Variants in PRKAG2 observed in about 807,000 individuals in gnomAD.
The protein encoded by PRKAG2 is protein kinase AMP-activated non-catalytic subunit gamma 2, also known as 5'-AMP-activated protein kinase subunit gamma-2.
Under a neutral mutation model 69.6 loss-of-function variants are expected in PRKAG2, and 26 were observed. That is an observed-to-expected ratio of 0.37 (90% confidence interval 0.27 to 0.52). The LOEUF (loss-of-function observed/expected upper bound fraction) is 0.52, where lower values mean the gene tolerates loss of function less well. Ranked by LOEUF, PRKAG2 falls within the 20% of genes least tolerant of loss-of-function variation. The pLI is 0.90. For synonymous variants in PRKAG2, 293 were observed against 285.0 expected (o/e 1.03, Z -0.28); for missense variants, 557 against 740.0 (o/e 0.75, Z 2.87).
At chr7:151,785,502 C>T (rs1160766871) in intron 2 of PRKAG2, among the ~76,000 whole-genome samples, 1 of 152,232 alleles carries the variant, frequency 6.6e-6, no homozygotes, top group Non-Finnish European at 1.5e-5. Context: ...AGGGCACTGG[C>T]ACCAGTGGAG....
Position 151,777,157 on chromosome 7 carries a change from A to G in PRKAG2, c.466+3995T>C, listed in dbSNP as rs949267731. 3.2e-4 allele frequency among the ~76,000 whole-genome samples: 48 copies of G among 152,230 alleles called. No individual in the cohort carries two copies. The highest frequency in any genetic ancestry group is 7.0e-4 in the African/African-American group (29 of 41,546). On this transcript the variant is annotated intron_variant, in intron 3 of 15. Transcript: ENST00000287878. The surrounding 1 kb of genome is among the most constrained non-coding windows in gnomAD (Gnocchi z 4.3). ...CCTCCTGTGCAGACCACAGGCCCCAATGGAAGGGGCCATGGCCAGGTTCAG... is the reference window on the plus strand; with the variant it reads ...CCTCCTGTGCAGACCACAGGCCCCAGTGGAAGGGGCCATGGCCAGGTTCAG...
chr7:151,751,484 T>C (rs1288421990), intron 3 of PRKAG2, among the ~76,000 whole-genome samples: 2 of 150,660 alleles, frequency 1.3e-5, no homozygotes, highest in African/African-American at 4.9e-5. Flanking sequence ...CTTTATTTCA[T>C]TGAACTACTC....
intron 5 of PRKAG2, among the ~76,000 whole-genome samples, chr7:151,617,148 C>G (rs1405513692): frequency 6.6e-6 from 1 of 151,396 alleles, no homozygotes; most frequent in Non-Finnish European, 1.5e-5. Context: ...GTAATCCAAG[C>G]TATTTGGGGA....
intron 5 of PRKAG2, among the ~76,000 whole-genome samples, chr7:151,631,303 A>G (rs1159707896): frequency 6.6e-6 from 1 of 152,216 alleles, no homozygotes; most frequent in Non-Finnish European, 1.5e-5. Context: ...TTCATTTTAC[A>G]TATTAATTTT....
At chr7:151,669,694 G>A (rs1176529738) in intron 4 of PRKAG2, among the ~76,000 whole-genome samples, 10 of 151,990 alleles carry the variant, frequency 6.6e-5, no homozygotes, top group Non-Finnish European at 1.5e-4. Context: ...CGACTTAAAT[G>A]TGCCACAGGC....
At chr7:151,707,048 G>A (rs995041773) in intron 3 of PRKAG2, among the ~76,000 whole-genome samples, 16 of 152,354 alleles carry the variant, frequency 1.1e-4, no homozygotes, top group African/African-American at 3.8e-4. Flanking sequence ...CAGCCTTACT[G>A]AGCTCAGCCC....
intron 3 of PRKAG2, among the ~76,000 whole-genome samples, chr7:151,727,177 T>C (rs948687653): frequency 6.6e-6 from 1 of 151,792 alleles, no homozygotes; most frequent in African/African-American, 2.4e-5. Context: ...ATTGCGTCAT[T>C]GCACTCCAGC....
rs78776830 is a variant in PRKAG2, at chr7:151,823,221, G to A, written c.115-36680C>T. The stretch of plus-strand genomic sequence containing the variant: ...GGAAAAATGTGTATCCAGTTTTGTT[G>A]GCTACAGGGATTTTGTATCAACATT... On this transcript the variant is annotated intron_variant, in intron 1 of 15. Transcript: ENST00000287878. 8.4e-3 allele frequency among the ~76,000 whole-genome samples: 1,252 copies of A among 149,202 alleles called. 22 individuals are homozygous for A. The highest frequency in any genetic ancestry group is 0.028 in the African/African-American group (1,128 of 40,698).
intron 4 of PRKAG2, among the ~76,000 whole-genome samples, chr7:151,634,471 G>T (rs950940448): frequency 6.6e-6 from 1 of 152,148 alleles, no homozygotes; most frequent in Non-Finnish European, 1.5e-5. Context: ...TTAAAATTAA[G>T]AATTTTTGCT....
chr7:151,830,696 C>A (rs1362877375), intron 1 of PRKAG2, among the ~76,000 whole-genome samples: 5 of 149,594 alleles, frequency 3.3e-5, no homozygotes, highest in Non-Finnish European at 7.4e-5. Flanking sequence ...GGCCTGAGGC[C>A]TCCTGCGGGA....
At chr7:151,656,890 A>T (rs1384468453) in intron 4 of PRKAG2, among the ~76,000 whole-genome samples, 1 of 152,188 alleles carries the variant, frequency 6.6e-6, no homozygotes, top group African/African-American at 2.4e-5. Context: ...TAATTCCAGC[A>T]CTTTGGGAGG....
In PRKAG2 at chr7:151,835,292, C is replaced by A. The variant is rs924479264; in HGVS notation, c.114+41215G>T. On this transcript the variant is annotated intron_variant, in intron 1 of 15. Transcript: ENST00000287878. This position sits in a 1 kb window ranked among gnomAD's most constrained non-coding sequence, Gnocchi z 4.1. Reference sequence around the variant, plus strand: ...TGCCATGACACACACGATCTTGGCTCACTGCAGCCTTGACCTCCTGGGCTC... The same window carrying A: ...TGCCATGACACACACGATCTTGGCTAACTGCAGCCTTGACCTCCTGGGCTC... Among the ~76,000 whole-genome samples the A allele has an allele frequency of 6.6e-6, 1 of 152,146 alleles. No individual in the cohort carries two copies. Among genetic ancestry groups the A allele is most frequent in the African/African-American group, 2.4e-5 (1 of 41,432 alleles).
intron 3 of PRKAG2, among the ~76,000 whole-genome samples, chr7:151,720,739 AG>A (rs1796938631): frequency 6.6e-5 from 2 of 30,412 alleles, no homozygotes; most frequent in Non-Finnish European, 1.2e-4. Context: ...GAGGGGATGG[AG>A]GGGGATGAAG....
intron 4 of PRKAG2, among the ~76,000 whole-genome samples, chr7:151,663,523 A>G (rs1279149181): frequency 6.6e-6 from 1 of 152,016 alleles, no homozygotes; most frequent in Non-Finnish European, 1.5e-5. Flanking sequence ...CCACCAGCCC[A>G]GCTAATTTTT....
intron 5 of PRKAG2, among the ~76,000 whole-genome samples, chr7:151,616,715 G>A (rs1368601975): frequency 6.6e-6 from 1 of 152,228 alleles, no homozygotes. Flanking sequence ...GGAGCCAGAG[G>A]AGCCTTCACG....
At chr7:151,666,820 T>G (rs767408493) in intron 4 of PRKAG2, among the ~76,000 whole-genome samples, 1 of 152,180 alleles carries the variant, frequency 6.6e-6, no homozygotes, top group South Asian at 2.1e-4. Flanking sequence ...AAATATATAA[T>G]AAGAAGAAAT....
chr7:151,744,832 G>A (rs1338011059), intron 3 of PRKAG2, among the ~76,000 whole-genome samples: 1 of 152,198 alleles, frequency 6.6e-6, no homozygotes, highest in Admixed American at 6.5e-5. Context: ...AGGGCAGGGG[G>A]AACCCTAGTC....
intron 3 of PRKAG2, among the ~76,000 whole-genome samples, chr7:151,688,926 G>A (rs1041539750): frequency 6.6e-6 from 1 of 152,034 alleles, no homozygotes; most frequent in Admixed American, 6.6e-5. Context: ...CAGGGTGGCC[G>A]GCCTCCCTGT....
In PRKAG2 at chr7:151,756,480, C is replaced by T. The variant is rs570255582; in HGVS notation, c.466+24672G>A. Among the ~76,000 whole-genome samples the T allele has an allele frequency of 3.3e-5, 5 of 152,336 alleles. No homozygotes were observed. The South Asian group carries it at 6.2e-4, about 19-fold the overall frequency. ...GTGCCTCCAGGCGAGCGGGTACCTG[C>T]GCTGCTCTCATGCTCAATCCTCACC... On this transcript the variant is annotated intron_variant, in intron 3 of 15. Coordinates refer to ENST00000287878, the MANE Select transcript of PRKAG2 (RefSeq NM_016203.4). This position sits in a 1 kb window ranked among gnomAD's most constrained non-coding sequence, Gnocchi z 4.9.
Sources: allele counts gnomAD v4.1 joint callset (sites outside exome capture counted in the v4.1 genomes callset), GRCh38; gene constraint gnomAD v4.1.1; non-coding constraint Gnocchi (gnomAD v3.1); transcripts MANE v1.5; gene names NCBI Gene and HGNC (gene_info 2026-07-23, HGNC 2026-07-21).